NIBAN1: variants seen among roughly 807,000 people sequenced by gnomAD.
The protein encoded by NIBAN1 is protein Niban 1.
A neutral mutation model predicts 75.1 loss-of-function variants in NIBAN1; 81 were observed. That is an observed-to-expected ratio of 1.08 (90% CI 0.90 to 1.30). The LOEUF is 1.30. Among genes scored for constraint, NIBAN1 ranks in the 50% most tolerant of loss-of-function variants. The probability of loss-of-function intolerance (pLI) is 0.00; values close to 1 mark genes in which losing one functional copy is unlikely to be tolerated. For missense variants in NIBAN1, 1,133 were observed against 1,128.1 expected (o/e 1.00, Z -0.06); for synonymous variants, 436 against 424.8 (o/e 1.03, Z -0.32).
At chr1:184,884,922 T>G in intron 4 of NIBAN1, 122 bp from the exon 5 acceptor site, 6 of 1,222,620 alleles carry the variant, frequency 4.9e-6, no homozygotes, top group Non-Finnish European at 6.7e-6. Flanking sequence ...TGGTGAGATA[T>G]TTTCACAGGA....
intron 1 of NIBAN1, among the ~76,000 whole-genome samples, chr1:184,905,558 C>T (rs1401987525): frequency 2.6e-5 from 4 of 152,150 alleles, no homozygotes; most frequent in Non-Finnish European, 5.9e-5. Flanking sequence ...AGCCTTCTTG[C>T]CCCTGTGCAT....
At chr1:184,860,124 T>C (rs1471868396) in intron 5 of NIBAN1, among the ~76,000 whole-genome samples, 1 of 151,942 alleles carries the variant, frequency 6.6e-6, no homozygotes, top group East Asian at 1.9e-4. Context: ...CAGAGAACTA[T>C]GGTGTGAGTG....
At chr1:184,945,189 A>G (rs937136214) in intron 1 of NIBAN1, among the ~76,000 whole-genome samples, 24 of 152,184 alleles carry the variant, frequency 1.6e-4, no homozygotes, top group African/African-American at 5.5e-4. Context: ...CCTGCACTGA[A>G]TTTTTCTTTA....
chr1:184,833,411 A>G (rs1571502959), intron 5 of NIBAN1, among the ~76,000 whole-genome samples: 2 of 152,030 alleles, frequency 1.3e-5, no homozygotes, highest in East Asian at 1.9e-4. Context: ...ATTTTAAAAA[A>G]TGTGGAACAG....
intron 1 of NIBAN1, among the ~76,000 whole-genome samples, chr1:184,917,202 C>CTTTTTTTTT: frequency 7.3e-6 from 1 of 137,504 alleles, no homozygotes; most frequent in Non-Finnish European, 1.6e-5. Context: ...ATCTCTTCCA[C>CTTTTTTTTT]TTTTTTTTTT....
At chr1:184,877,464 C>T (rs1206731984) in intron 5 of NIBAN1, among the ~76,000 whole-genome samples, 1 of 152,070 alleles carries the variant, frequency 6.6e-6, no homozygotes, top group Non-Finnish European at 1.5e-5. Context: ...TCTTCTAAAT[C>T]TACTCAATAT....
intron 5 of NIBAN1, among the ~76,000 whole-genome samples, chr1:184,852,031 CGGT>C (rs1655554169): frequency 6.6e-6 from 1 of 152,060 alleles, no homozygotes; most frequent in South Asian, 2.1e-4. Context: ...TAAAGAACTT[CGGT>C]GAGCAGAGAC....
At chr1:184,870,868 G>A (rs1036388941) in intron 5 of NIBAN1, among the ~76,000 whole-genome samples, 13 of 152,204 alleles carry the variant, frequency 8.5e-5, no homozygotes, top group African/African-American at 2.9e-4. Flanking sequence ...TGGCAACAAC[G>A]TAAGACCTGT....
At chr1:184,796,527 C>T (rs1204978426) in intron 13 of NIBAN1, among the ~76,000 whole-genome samples, 1 of 152,214 alleles carries the variant, frequency 6.6e-6, no homozygotes, top group South Asian at 2.1e-4. Context: ...CTTTACCTTG[C>T]AGTACAGTCC....
chr1:184,880,469 T>C (rs1030833779), intron 5 of NIBAN1, among the ~76,000 whole-genome samples: 5 of 152,218 alleles, frequency 3.3e-5, no homozygotes, highest in African/African-American at 1.2e-4. Flanking sequence ...CAAAGCCCCT[T>C]ATAGCATGGA....
chr1:184,798,017 T>C, intron 13 of NIBAN1, 62 bp downstream of exon 13: 1 of 1,051,800 alleles, frequency 9.5e-7, no homozygotes, highest in Admixed American at 2.0e-5. Context: ...CCTTACAGAG[T>C]CCTATTTCAG....
chr1:184,969,995 G>C (rs143252384), intron 1 of NIBAN1, among the ~76,000 whole-genome samples: 3 of 151,438 alleles, frequency 2.0e-5, no homozygotes, highest in Non-Finnish European at 2.9e-5. Context: ...GCGAAACCCC[G>C]TCTCTACAAA....
chr1:184,941,856 T>G (rs1200629797), intron 1 of NIBAN1, among the ~76,000 whole-genome samples: 1 of 152,180 alleles, frequency 6.6e-6, no homozygotes, highest in Non-Finnish European at 1.5e-5. Context: ...TGCTGCAGTA[T>G]TCTCAGAGAT....
At chr1:184,955,361 T>TTTC (rs1491199108) in intron 1 of NIBAN1, among the ~76,000 whole-genome samples, 457 of 25,390 alleles carry the variant, frequency 0.018, 3 homozygotes, top group South Asian at 0.055. Flanking sequence ...CCTTTCCTTT[T>TTTC]CTTTTTTGTT....
At chr1:184,940,360 T>C (rs115380595) in intron 1 of NIBAN1, among the ~76,000 whole-genome samples, 2 of 152,296 alleles carry the variant, frequency 1.3e-5, no homozygotes, top group Non-Finnish European at 2.9e-5. Context: ...CAAGGAAGCA[T>C]GATAGTAAAT....
chr1:184,894,591 T>G (rs1055805754), intron 2 of NIBAN1, among the ~76,000 whole-genome samples: 7 of 152,222 alleles, frequency 4.6e-5, no homozygotes, highest in African/African-American at 1.7e-4. Context: ...CTGGACACCC[T>G]GAACATGACT....
Position 184,974,186 on chromosome 1 carries a change from A to T in NIBAN1, c.55+116T>A, listed in dbSNP as rs3737946. ...TCGCGCGGGCGGGCTGCGGTCGGGG[A>T]TCCCCGCGCGCTACAGGGAGAGGGC... On this transcript the variant is annotated intron_variant, in intron 1 of 13. Coordinates refer to ENST00000367511, the MANE Select transcript of NIBAN1 (RefSeq NM_052966.4). The T allele has an allele frequency of 6.1e-3, 6,568 of 1,077,348 alleles. 117 individuals carry two copies. The highest frequency in any genetic ancestry group is 0.054 in the East Asian group (1,621 of 30,224). The allele number at this position is 1,077,348 out of a possible 1,614,324, so 66.7% of individuals were successfully genotyped here. A position where few individuals can be genotyped will look rare whatever the true frequency, so the allele number is the denominator to read the frequency against.
intron 1 of NIBAN1, among the ~76,000 whole-genome samples, chr1:184,903,311 T>G (rs1328866911): frequency 6.6e-6 from 1 of 152,244 alleles, no homozygotes; most frequent in East Asian, 1.9e-4. Context: ...TACAATTCAC[T>G]TGACCCTAAG....
At chr1:184,908,436 A>G (rs887512736) in intron 1 of NIBAN1, among the ~76,000 whole-genome samples, 2 of 151,206 alleles carry the variant, frequency 1.3e-5, no homozygotes, top group African/African-American at 4.8e-5. Context: ...GAAGATGGAC[A>G]GAGAGGAAAA....
Sources: allele counts gnomAD v4.1 joint callset (sites outside exome capture counted in the v4.1 genomes callset), GRCh38; gene constraint gnomAD v4.1.1; transcripts MANE v1.5; gene names NCBI Gene and HGNC (gene_info 2026-07-23, HGNC 2026-07-21).